POLD1: variants seen among roughly 807,000 people sequenced by gnomAD.
The protein encoded by POLD1 is DNA polymerase delta catalytic subunit.
In POLD1, 79 loss-of-function variants were observed where a neutral mutation model predicts 129.7. The ratio of observed to expected loss-of-function variants is 0.61; its 90% CI spans 0.51 to 0.73. The LOEUF (loss-of-function observed/expected upper bound fraction) is 0.73, where lower values mean the gene tolerates loss of function less well. Among genes scored for constraint, POLD1 ranks in the 30% least tolerant of loss-of-function variants. The pLI, the probability that POLD1 is intolerant of heterozygous loss-of-function variation, is 0.00. For synonymous variants in POLD1, 714 were observed against 683.3 expected, an observed-to-expected ratio of 1.04 and a Z score of -0.70; for missense variants, 1,338 against 1,595.8, an observed-to-expected ratio of 0.84 and a Z score of 2.75.
In POLD1 at chr19:50,399,393, A is replaced by G. The variant is rs1601190450; in HGVS notation, c.225A>G (p.Ile75Met). 6.2e-7 allele frequency: 1 copy of G among 1,613,920 alleles called. No homozygotes were observed. The highest frequency in any genetic ancestry group is 8.5e-7 in the Non-Finnish European group (1 of 1,179,786). ...CAGGGCAGGTCCCACCATCAGCCAT[A>G]GATCCTCGCTGGCTTCGGCCCACAC... ...VADGQVPPSA[I>M]DPRWLRPTPP... The change falls in exon 3 of 27, where the codon ATA (isoleucine) becomes ATG (methionine). Residue 75 changes from isoleucine to methionine, a missense_variant. Ile to Met is a conservative substitution (Grantham distance 10, BLOSUM62 1). Around this residue, in one of 3 missense-constraint regions of POLD1, gnomAD observed 332 missense variants for 315.7 expected, o/e 1.05. Transcript: ENST00000440232.
intron 1 of POLD1, among the ~76,000 whole-genome samples, chr19:50,395,438 G>C (rs900343155): frequency 6.6e-6 from 1 of 152,036 alleles, no homozygotes; most frequent in African/African-American, 2.4e-5. Flanking sequence ...AAAAAAATTA[G>C]GCGGGCGCAG....
intron 1 of POLD1, among the ~76,000 whole-genome samples, chr19:50,395,705 C>G (rs758104455): frequency 6.6e-6 from 1 of 152,056 alleles, no homozygotes; most frequent in East Asian, 1.9e-4. Context: ...TCTCTGTATA[C>G]GTACACTCAC....
rs536879701 is a variant in POLD1 at position 50,404,740 on chromosome 19, C to T, written c.1242+1143C>T. ...ATTACAGGCGTGAGCCACCACGCCC[C>T]GCAAATTTTTGCTTTTTTGTTATTG... On this transcript the variant is annotated intron_variant, in intron 10 of 26. Transcript: ENST00000440232. 1.7e-3 allele frequency among the ~76,000 whole-genome samples: 243 copies of T among 147,220 alleles called. 1 individual carries two copies. The highest frequency in any genetic ancestry group is 5.8e-3 in the African/African-American group (230 of 39,528).
At chr19:50,403,340 G>T in intron 9 of POLD1, 121 bp downstream of exon 9, 1 of 1,165,022 alleles carries the variant, frequency 8.6e-7, no homozygotes, top group Non-Finnish European at 1.2e-6. Context: ...GTGTCTGTGG[G>T]TCTGGGTGGG....
At chr19:50,396,654 A>G (rs943771158) in intron 1 of POLD1, among the ~76,000 whole-genome samples, 1 of 149,594 alleles carries the variant, frequency 6.7e-6, no homozygotes, top group Non-Finnish European at 1.5e-5. Context: ...ATTTTTTTGT[A>G]TTTTTTTAGT....
intron 1 of POLD1, among the ~76,000 whole-genome samples, chr19:50,388,674 G>T (rs2038049176): frequency 6.6e-6 from 1 of 152,014 alleles, no homozygotes; most frequent in African/African-American, 2.4e-5. Flanking sequence ...CCTTTGCCTA[G>T]ATTCACTGGC....
chr19:50,402,757 C>T lies in POLD1; in HGVS notation c.970+16C>T, dbSNP rs1274238184. On this transcript the variant is annotated intron_variant, in intron 8 of 26. Transcript: ENST00000440232. The stretch of plus-strand genomic sequence containing the variant: ...GGCCGCAAAGGTCTGTCCCCGGGCC[C>T]GGGCTCCTGCCCGCCTCATTGATGT... The T allele has an allele frequency of 5.7e-6, 9 of 1,573,412 alleles. No individual in the cohort carries two copies. The highest frequency in any genetic ancestry group is 1.1e-5 in the South Asian group (1 of 87,688).
intron 1 of POLD1, among the ~76,000 whole-genome samples, chr19:50,386,269 C>T (rs956353365): frequency 4.6e-5 from 7 of 152,072 alleles, no homozygotes; most frequent in African/African-American, 1.7e-4. Flanking sequence ...TTCCGAGTAG[C>T]TGGGATTACA....
intron 26 of POLD1, among the ~76,000 whole-genome samples, 151 bp from the exon 27 acceptor site, chr19:50,417,681 CACCCCCCCCG>C: frequency 1.0e-5 from 1 of 96,446 alleles, no homozygotes; most frequent in African/African-American, 5.7e-5. Context: ...TCCCCCCCCC[CACCCCCCCCG>C]TGCCTGCTGA....
Position 50,409,050 on chromosome 19 carries a change from C to A in POLD1, c.1893-72C>A. The A allele has an allele frequency of 7.3e-7, 1 of 1,367,676 alleles. No individual in the cohort carries two copies. Among genetic ancestry groups the A allele is most frequent in the East Asian group, 2.3e-5 (1 of 43,626 alleles). 84.7% of individuals were successfully genotyped at this position (1,367,676 alleles called of 1,614,324 possible). A position where few individuals can be genotyped will look rare whatever the true frequency, so the allele number is the denominator to read the frequency against. ...GGCCTGCGTGTGCTCATGGCCAAGGCCAGGACCGTAGGGCAGAGGTGGGCT... is the reference window on the plus strand; with the variant it reads ...GGCCTGCGTGTGCTCATGGCCAAGGACAGGACCGTAGGGCAGAGGTGGGCT... On this transcript the variant is annotated intron_variant, in intron 15 of 26. Coordinates refer to ENST00000440232, the MANE Select transcript of POLD1 (RefSeq NM_002691.4). This position sits in a 1 kb window ranked among gnomAD's most constrained non-coding sequence, Gnocchi z 5.8.
intron 3 of POLD1, 107 bp from the exon 4 acceptor site, chr19:50,401,671 G>A: frequency 8.1e-7 from 1 of 1,233,624 alleles, no homozygotes; most frequent in Non-Finnish European, 1.2e-6. Flanking sequence ...ACGGTACAGG[G>A]GCAGGAGTGC....
intron 10 of POLD1, among the ~76,000 whole-genome samples, chr19:50,404,063 T>A (rs143175813): frequency 1.9e-3 from 292 of 152,230 alleles, no homozygotes; most frequent in Admixed American, 3.7e-3. Context: ...ACCAGGTGGC[T>A]GAAAACAGCA....
Position 50,406,943 on chromosome 19 carries a change from C to A in POLD1, c.1495-40C>A. On this transcript the variant is annotated intron_variant, in intron 12 of 26. Transcript: ENST00000440232. This position sits in a 1 kb window ranked among gnomAD's most constrained non-coding sequence, Gnocchi z 5.5. Reference sequence around the variant, plus strand: ...CCTTCTCCTGCTCCACCTCCCACCCCCAACCCCTGGTCCCTGACCCCATCC... The same window carrying A: ...CCTTCTCCTGCTCCACCTCCCACCCACAACCCCTGGTCCCTGACCCCATCC... The A allele has an allele frequency of 1.3e-6, 2 of 1,495,052 alleles. No homozygotes were observed. The highest frequency in any genetic ancestry group is 1.3e-5 in the South Asian group (1 of 79,986). 92.6% of individuals were successfully genotyped at this position (1,495,052 alleles called of 1,614,324 possible).
rs878854552 is a variant in POLD1, at chr19:50,417,916, G to A, written c.3293G>A (p.Arg1098His). The change falls in exon 27 of 27, where the codon CGC (arginine) becomes CAC (histidine). Residue 1098 changes from arginine (R) to histidine (H), a missense_variant. Coordinates refer to ENST00000440232, the MANE Select transcript of POLD1 (RefSeq NM_002691.4). ...DLEDQEQLLR[R>H]FGPPGPEAW ...GAAGACCAGGAGCAGCTCCTGCGGC[G>A]CTTCGGACCCCCTGGACCTGAGGCC... 15 of 1,611,002 alleles carry A rather than the reference G, an allele frequency of 9.3e-6. No individual in the cohort carries two copies. The highest frequency in any genetic ancestry group is 2.2e-5 in the East Asian group (1 of 44,834).
chr19:50,393,476 G>A (rs1360399698), intron 1 of POLD1, among the ~76,000 whole-genome samples: 4 of 152,072 alleles, frequency 2.6e-5, no homozygotes, highest in Admixed American at 6.6e-5. Context: ...TTTCAGACCA[G>A]CCTCAGCAAC....
intron 7 of POLD1, 37 bp downstream of exon 7, chr19:50,402,572 T>C (rs769909377): frequency 1.3e-5 from 20 of 1,574,520 alleles, no homozygotes; most frequent in Non-Finnish European, 1.6e-5. Context: ...GGTGGGGAGC[T>C]GGTACCCTGC....
intron 10 of POLD1, among the ~76,000 whole-genome samples, chr19:50,404,534 T>C (rs1223580759): frequency 6.7e-6 from 1 of 149,192 alleles, no homozygotes; most frequent in Non-Finnish European, 1.5e-5. Flanking sequence ...AGTGTTGGGA[T>C]TATAGGCGTG....
chr19:50,403,665 C>T, intron 10 of POLD1, 68 bp downstream of exon 10: 1 of 955,020 alleles, frequency 1.0e-6, no homozygotes, highest in Non-Finnish European at 1.7e-6. Flanking sequence ...CCTGGGCCTC[C>T]TTCCCACTCC....
rs775119313 is a variant in POLD1, at chr19:50,399,385, T to C, written c.217T>C (p.Ser73Pro). Residue 73 changes from serine (S) to proline (P), a missense_variant, in exon 3 of 27, where the codon TCA becomes CCA. This residue lies in a region of POLD1 where 332 missense variants were observed against 315.7 expected (regional missense o/e 1.05). Transcript: ENST00000440232. Reference protein sequence around the residue: ...EGVADGQVPPSAIDPRWLRPT... With the variant: ...EGVADGQVPPPAIDPRWLRPT... ...TCCCCCACCAGGGCAGGTCCCACCA[T>C]CAGCCATAGATCCTCGCTGGCTTCG... 2 of 1,613,658 alleles carry C rather than the reference T, an allele frequency of 1.2e-6. No individual in the cohort carries two copies. Among genetic ancestry groups the C allele is most frequent in the Non-Finnish European group, 1.7e-6 (2 of 1,179,534 alleles).
Sources: allele counts gnomAD v4.1 joint callset (sites outside exome capture counted in the v4.1 genomes callset), GRCh38; gene constraint gnomAD v4.1.1; regional missense constraint gnomAD v4.1.1; non-coding constraint Gnocchi (gnomAD v3.1); transcripts MANE v1.5; gene names NCBI Gene and HGNC (gene_info 2026-07-23, HGNC 2026-07-21).